Variants in CUX2 observed in about 807,000 individuals in gnomAD.
CUX2 encodes homeobox protein cut-like 2.
Under a neutral mutation model 144.8 loss-of-function variants are expected in CUX2, and 40 were observed. That is an observed-to-expected ratio of 0.28 (90% CI 0.21 to 0.36). The LOEUF (loss-of-function observed/expected upper bound fraction) is 0.36, where lower values mean the gene tolerates loss of function less well. CUX2 is among the 10% of genes least tolerant of loss of function. The pLI, the probability that CUX2 is intolerant of heterozygous loss-of-function variation, is 1.00. For missense variants in CUX2, 1,615 were observed against 1,994.0 expected (o/e 0.81, Z 3.62); for synonymous variants, 827 against 875.6 (o/e 0.94, Z 0.98).
intron 19 of CUX2, among the ~76,000 whole-genome samples, chr12:111,336,668 G>A (rs1888368154): frequency 2.6e-5 from 4 of 151,558 alleles, no homozygotes; most frequent in African/African-American, 4.8e-5. Context: ...GACTGGTCAC[G>A]AACTCTTGAC....
At chr12:111,052,420 CA>C (rs35221422) in intron 1 of CUX2, among the ~76,000 whole-genome samples, 5,998 of 132,136 alleles carry the variant, frequency 0.045, 346 homozygotes, top group African/African-American at 0.14. Context: ...AGTAGGCCCT[CA>C]AAAAAAAAAA....
chr12:111,104,295 C>G (rs1032190656), intron 1 of CUX2, among the ~76,000 whole-genome samples: 2 of 152,168 alleles, frequency 1.3e-5, no homozygotes, highest in African/African-American at 4.8e-5. Context: ...AAAACAGGAT[C>G]CGTGTTGAAT....
intron 1 of CUX2, among the ~76,000 whole-genome samples, chr12:111,159,970 A>C (rs1877644280): frequency 6.6e-6 from 1 of 152,174 alleles, no homozygotes; most frequent in Admixed American, 6.5e-5. Flanking sequence ...GGTTTCAGTG[A>C]GCCGAGATTG....
intron 1 of CUX2, among the ~76,000 whole-genome samples, chr12:111,094,021 C>G (rs191240368): frequency 6.6e-6 from 1 of 152,188 alleles, no homozygotes; most frequent in African/African-American, 2.4e-5. Flanking sequence ...TCTTCAGAAG[C>G]CTTGCGAGGC....
chr12:111,171,268 C>T lies in CUX2; in HGVS notation c.64-42932C>T, dbSNP rs148708902. On this transcript the variant is annotated intron_variant, in intron 1 of 21. Transcript: ENST00000261726. The surrounding 1 kb of genome is among the most constrained non-coding windows in gnomAD (Gnocchi z 5.0). ...CACACACCTTGACCTTGTTGGCAAG[C>T]CCGATCTGCAGGTCATCAGTTTGCA... Among the ~76,000 whole-genome samples the T allele has an allele frequency of 9.9e-5, 15 of 152,260 alleles. No individual in the cohort carries two copies. The highest frequency in any genetic ancestry group is 1.6e-4 in the Non-Finnish European group (11 of 68,018).
chr12:111,230,281 A>G (rs1446250701), intron 3 of CUX2, among the ~76,000 whole-genome samples: 1 of 152,040 alleles, frequency 6.6e-6, no homozygotes, highest in African/African-American at 2.4e-5. Flanking sequence ...CCAAAGTGGG[A>G]CTCACAGGTG....
chr12:111,277,115 G>T lies in CUX2; in HGVS notation c.301+13276G>T, dbSNP rs1884916532. ...CCTTGTGGATGTGGGGGCCCCATCTGCCCCAGGATGAATGGTTGCTGGAGT... is the reference window on the plus strand; with the variant it reads ...CCTTGTGGATGTGGGGGCCCCATCTTCCCCAGGATGAATGGTTGCTGGAGT... On this transcript the variant is annotated intron_variant, in intron 4 of 21. Transcript: ENST00000261726. The surrounding 1 kb of genome is among the most constrained non-coding windows in gnomAD (Gnocchi z 5.0). 6.6e-6 allele frequency among the ~76,000 whole-genome samples: 1 copy of T among 152,106 alleles called. No homozygotes were observed. The highest frequency in any genetic ancestry group is 1.5e-5 in the Non-Finnish European group (1 of 68,010).
intron 1 of CUX2, among the ~76,000 whole-genome samples, chr12:111,092,982 A>C (rs528472456): frequency 1.2e-4 from 19 of 152,016 alleles, no homozygotes; most frequent in African/African-American, 4.1e-4. Context: ...AGCTCAGCTA[A>C]TTTTTGTATT....
intron 3 of CUX2, among the ~76,000 whole-genome samples, chr12:111,233,795 C>T (rs1453878539): frequency 6.6e-6 from 1 of 152,104 alleles, no homozygotes; most frequent in African/African-American, 2.4e-5. Context: ...GAATTTGAAC[C>T]CAGGCCTGTC....
chr12:111,159,053 C>G (rs1443082963), intron 1 of CUX2, among the ~76,000 whole-genome samples: 1 of 152,154 alleles, frequency 6.6e-6, no homozygotes, highest in Non-Finnish European at 1.5e-5. Flanking sequence ...TTTCTCAAGC[C>G]CAGCTGGTGT....
intron 1 of CUX2, among the ~76,000 whole-genome samples, chr12:111,063,011 G>C (rs1043633733): frequency 4.6e-5 from 7 of 152,128 alleles, no homozygotes; most frequent in Admixed American, 1.3e-4. Flanking sequence ...ATCATGAATG[G>C]GAGGGGACGA....
At chr12:111,189,884 G>A (rs1426113953) in intron 1 of CUX2, among the ~76,000 whole-genome samples, 1 of 152,074 alleles carries the variant, frequency 6.6e-6, no homozygotes, top group Non-Finnish European at 1.5e-5. Flanking sequence ...GCACGGGGAG[G>A]CATATGTTTA....
intron 4 of CUX2, among the ~76,000 whole-genome samples, chr12:111,288,426 G>C (rs762079238): frequency 6.6e-6 from 1 of 152,052 alleles, no homozygotes; most frequent in Non-Finnish European, 1.5e-5. Flanking sequence ...ATCCCAAGAA[G>C]CAAGTATAGA....
chr12:111,140,368 G>A (rs1273766258), intron 1 of CUX2, among the ~76,000 whole-genome samples: 1 of 152,202 alleles, frequency 6.6e-6, no homozygotes, highest in Admixed American at 6.5e-5. Context: ...CATAGATTGA[G>A]CTAGCAGCGA....
At position 111,263,880 on chromosome 12, in the gene CUX2, A is replaced by G; in HGVS notation, c.301+41A>G. ...GCTCCGTAATTGAATAGTTAACGAC[A>G]ATAAATAGCCATTAGGACTGTGACA... On this transcript the variant is annotated intron_variant, in intron 4 of 21. Transcript: ENST00000261726. This position sits in a 1 kb window ranked among gnomAD's most constrained non-coding sequence, Gnocchi z 4.0. The G allele has an allele frequency of 6.5e-7, 1 of 1,548,560 alleles. No individual in the cohort carries two copies. Among genetic ancestry groups the G allele is most frequent in the Non-Finnish European group, 8.9e-7 (1 of 1,120,514 alleles).
intron 8 of CUX2, among the ~76,000 whole-genome samples, chr12:111,297,019 C>T (rs1344900425): frequency 6.6e-6 from 1 of 151,130 alleles, no homozygotes; most frequent in Non-Finnish European, 1.5e-5. Context: ...CCTTCTCCCT[C>T]TGACCCTCCC....
rs536809962 is a variant in CUX2, at chr12:111,310,872, C to G, written c.1900+190C>G. ...TCTGTAAAAGCAGGAAATACATCCT[C>G]GCTCTCTCCTTCCTGGCCCTGGCCA... is the stretch of plus-strand genomic sequence containing the variant. On this transcript the variant is annotated intron_variant, in intron 15 of 21. Coordinates refer to ENST00000261726, the MANE Select transcript of CUX2 (RefSeq NM_015267.4). The surrounding 1 kb of genome is among the most constrained non-coding windows in gnomAD (Gnocchi z 7.9). 6.6e-6 allele frequency among the ~76,000 whole-genome samples: 1 copy of G among 152,254 alleles called. No individual in the cohort carries two copies. The highest frequency in any genetic ancestry group is 1.5e-5 in the Non-Finnish European group (1 of 68,046).
chr12:111,114,050 TG>T (rs1293688077), intron 1 of CUX2, among the ~76,000 whole-genome samples: 4 of 152,236 alleles, frequency 2.6e-5, no homozygotes, highest in Admixed American at 2.6e-4. Flanking sequence ...GCTAAACATT[TG>T]CATATAGGTT....
rs776548369 is a variant in CUX2, at chr12:111,263,877, G to A, written c.301+38G>A. 1.7e-5 allele frequency: 26 copies of A among 1,552,690 alleles called. No individual in the cohort carries two copies. Among genetic ancestry groups the A allele is most frequent in the South Asian group, 2.2e-5 (2 of 89,864 alleles). On this transcript the variant is annotated intron_variant, in intron 4 of 21. Transcript: ENST00000261726. This position sits in a 1 kb window ranked among gnomAD's most constrained non-coding sequence, Gnocchi z 4.0. ...TGGGCTCCGTAATTGAATAGTTAAC[G>A]ACAATAAATAGCCATTAGGACTGTG...
Sources: allele counts gnomAD v4.1 joint callset (sites outside exome capture counted in the v4.1 genomes callset), GRCh38; gene constraint gnomAD v4.1.1; non-coding constraint Gnocchi (gnomAD v3.1); transcripts MANE v1.5; gene names NCBI Gene and HGNC (gene_info 2026-07-23, HGNC 2026-07-21).